UTRN: variants seen among roughly 807,000 people sequenced by gnomAD.
UTRN encodes the protein utrophin.
A neutral mutation model predicts 463.9 loss-of-function variants in UTRN; 283 were observed. The observed-to-expected ratio is 0.61, with a 90% CI of 0.55 to 0.67. The LOEUF (loss-of-function observed/expected upper bound fraction) is 0.67. UTRN is among the 30% of genes least tolerant of loss of function. The pLI is 0.00. For missense variants in UTRN, 3,922 were observed against 4,084.3 expected (o/e 0.96, Z 1.08); for synonymous variants, 1,442 against 1,431.5 (o/e 1.01, Z -0.17).
intron 64 of UTRN, among the ~76,000 whole-genome samples, chr6:144,801,090 T>C (rs181482933): frequency 1.4e-3 from 208 of 152,324 alleles, no homozygotes; most frequent in African/African-American, 4.7e-3. Context: ...ACTTAAAATA[T>C]GTCAGGATAT....
At chr6:144,499,641 G>A (rs1793994700) in intron 34 of UTRN, among the ~76,000 whole-genome samples, 1 of 151,830 alleles carries the variant, frequency 6.6e-6, no homozygotes, top group Non-Finnish European at 1.5e-5. Flanking sequence ...TAGATTAAGG[G>A]GTACACATAT....
intron 60 of UTRN, among the ~76,000 whole-genome samples, chr6:144,775,868 C>A (rs1192565239): frequency 1.3e-5 from 2 of 152,170 alleles, no homozygotes; most frequent in African/African-American, 4.8e-5. Context: ...AAGAAAAAAA[C>A]CCCCTCCTCA....
intron 66 of UTRN, among the ~76,000 whole-genome samples, chr6:144,824,067 G>T (rs1265196443): frequency 2.0e-5 from 3 of 152,112 alleles, no homozygotes; most frequent in Non-Finnish European, 4.4e-5. Flanking sequence ...AGAGTTTCTG[G>T]TCCAAGGAAG....
intron 2 of UTRN, among the ~76,000 whole-genome samples, chr6:144,305,336 T>TA: frequency 6.6e-6 from 1 of 152,188 alleles, no homozygotes; most frequent in East Asian, 1.9e-4. Flanking sequence ...ATATTATAAA[T>TA]ATATAGCAAA....
intron 53 of UTRN, among the ~76,000 whole-genome samples, chr6:144,713,472 G>A (rs1370736098): frequency 6.6e-6 from 1 of 151,182 alleles, no homozygotes; most frequent in East Asian, 1.9e-4. Context: ...AAATCAGCTG[G>A]GTGTGGTGGT....
At chr6:144,589,474 C>T (rs994760630) in intron 51 of UTRN, among the ~76,000 whole-genome samples, 4 of 152,034 alleles carry the variant, frequency 2.6e-5, no homozygotes, top group African/African-American at 4.8e-5. Context: ...AGCTAGTATG[C>T]GGTGCAGCTT....
intron 9 of UTRN, among the ~76,000 whole-genome samples, chr6:144,434,443 C>T (rs1433579112): frequency 6.6e-5 from 10 of 152,180 alleles, no homozygotes; most frequent in South Asian, 2.1e-4. Context: ...GGGGCTGGCT[C>T]CCAGGTTTGT....
chr6:144,531,207 G>A lies in UTRN; in HGVS notation c.6057+5G>A. ...AAAGCCAGGATACATCAGCAGGTGA[G>A]TGCTTTCTGTTAGAGGAGGGGGACT... On this transcript the variant is annotated splice_donor_5th_base_variant and intron_variant, in intron 42 of 74. Transcript: ENST00000367545. 6.2e-7 allele frequency: 1 copy of A among 1,613,602 alleles called. No homozygotes were observed. The highest frequency in any genetic ancestry group is 8.5e-7 in the Non-Finnish European group (1 of 1,179,716).
intron 52 of UTRN, among the ~76,000 whole-genome samples, chr6:144,689,759 C>T (rs1783128743): frequency 6.6e-6 from 1 of 152,140 alleles, no homozygotes; most frequent in Non-Finnish European, 1.5e-5. Context: ...AGTGTGTTGG[C>T]TTTCTCACAT....
intron 73 of UTRN, among the ~76,000 whole-genome samples, chr6:144,844,426 G>A (rs546755548): frequency 1.3e-5 from 2 of 152,018 alleles, no homozygotes; most frequent in Non-Finnish European, 2.9e-5. Flanking sequence ...ATGCCACCAC[G>A]CCCAACTAAT....
chr6:144,676,368 C>G (rs961966878), intron 51 of UTRN, among the ~76,000 whole-genome samples: 7 of 152,050 alleles, frequency 4.6e-5, no homozygotes, highest in Admixed American at 2.0e-4. Context: ...ATTTAAGAAC[C>G]ATTTTAAATC....
At chr6:144,657,125 C>T (rs1779388418) in intron 51 of UTRN, among the ~76,000 whole-genome samples, 1 of 152,040 alleles carries the variant, frequency 6.6e-6, no homozygotes, top group Non-Finnish European at 1.5e-5. Context: ...TGGCGCATGC[C>T]TCTAATCCCA....
At chr6:144,406,226 G>T (rs1783381554) in intron 3 of UTRN, among the ~76,000 whole-genome samples, 1 of 152,120 alleles carries the variant, frequency 6.6e-6, no homozygotes. Context: ...TATCACATTG[G>T]TTTGAGAGTT....
At chr6:144,308,154 A>T (rs1173670109) in intron 2 of UTRN, among the ~76,000 whole-genome samples, 1 of 151,980 alleles carries the variant, frequency 6.6e-6, no homozygotes, top group Non-Finnish European at 1.5e-5. Context: ...TAGCTCTGTC[A>T]CTCTCTCTAA....
At chr6:144,360,547 G>C (rs9390166) in intron 2 of UTRN, among the ~76,000 whole-genome samples, 74,167 of 151,976 alleles carry the variant, frequency 0.49, 21,124 homozygotes, top group Non-Finnish European at 0.63. Context: ...ACTCCCTGCT[G>C]TCAGTACTTC....
chr6:144,842,490 G>A (rs1428386891), intron 73 of UTRN, among the ~76,000 whole-genome samples: 1 of 152,134 alleles, frequency 6.6e-6, no homozygotes, highest in Non-Finnish European at 1.5e-5. Flanking sequence ...TTGGGAGGCT[G>A]AGGCATGAGA....
chr6:144,577,210 T>C lies in UTRN; in HGVS notation c.7401T>C (p.Asn2467=), dbSNP rs773189085. The change falls in exon 51 of 75, where the codon AAT becomes AAC. Residue 2467 remains asparagine (N), a synonymous_variant. Transcript: ENST00000367545. Reference sequence around the variant, plus strand: ...TCCAAGAAGCAGAGACCACAGTGAATGTGCTTGTGGATGCCTCTCATCGGG... The same window carrying C: ...TCCAAGAAGCAGAGACCACAGTGAACGTGCTTGTGGATGCCTCTCATCGGG... ...KWIQEAETTV[N]VLVDASHREN... is the part of the protein sequence containing the mutation. 1.9e-6 allele frequency: 3 copies of C among 1,613,942 alleles called. No homozygotes were observed. Among genetic ancestry groups the C allele is most frequent in the Non-Finnish European group, 2.5e-6 (3 of 1,179,908 alleles).
chr6:144,675,988 A>G (rs1459932491), intron 51 of UTRN, among the ~76,000 whole-genome samples: 1 of 152,182 alleles, frequency 6.6e-6, no homozygotes, highest in Non-Finnish European at 1.5e-5. Flanking sequence ...TTTTAAAAAA[A>G]TTTATAATAA....
intron 2 of UTRN, among the ~76,000 whole-genome samples, chr6:144,350,177 C>T (rs890831920): frequency 1.3e-5 from 2 of 151,654 alleles, no homozygotes; most frequent in African/African-American, 2.4e-5. Context: ...CATTTAAATA[C>T]GTTTTTGACT....
Sources: allele counts gnomAD v4.1 joint callset (sites outside exome capture counted in the v4.1 genomes callset), GRCh38; gene constraint gnomAD v4.1.1; transcripts MANE v1.5; gene names NCBI Gene and HGNC (gene_info 2026-07-23, HGNC 2026-07-21).